TBC1D32: variants seen among roughly 807,000 people sequenced by gnomAD.
TBC1D32 encodes TBC1 domain family member 32.
TBC1D32 carries 151 observed loss-of-function variants against 170.3 expected under a neutral mutation model. The ratio of observed to expected loss-of-function variants is 0.89; its 90% confidence interval spans 0.78 to 1.01. TBC1D32 has a LOEUF of 1.01. Ranked by LOEUF, TBC1D32 falls within the 50% of genes least tolerant of loss-of-function variation. TBC1D32 has a pLI of 0.00. For missense variants in TBC1D32, 1,464 were observed against 1,457.1 expected (o/e 1.00, Z -0.08); for synonymous variants, 498 against 488.0 (o/e 1.02, Z -0.27).
At position 121,294,551 on chromosome 6, in the gene TBC1D32, TAGAGGA is replaced by T. The variant is rs754425115; in HGVS notation, c.1231+13_1231+18del. ...ATTTACCATTTTTAAAAGTATGTAA[TAGAGGA>T]AATAATACTTACTGCAATGCTTTGA... On this transcript the variant is annotated intron_variant, in intron 11 of 31. Coordinates refer to ENST00000398212, the MANE Select transcript of TBC1D32 (RefSeq NM_152730.6). The T allele has an allele frequency of 3.5e-3, 5,472 of 1,569,116 alleles. 22 individuals carry two copies. The highest frequency in any genetic ancestry group is 6.2e-3 in the Middle Eastern group (34 of 5,484).
chr6:121,223,313 T>C lies in TBC1D32; in HGVS notation c.2404A>G (p.Ile802Val). The stretch of plus-strand genomic sequence containing the variant: ...TCTTGATTCCTTACAAGCTCATAAA[T>C]AGCAGGATAGGATAACAAGTTCACC... ...ALVNLLSYPA[I>V]YELVRNQDLP... The change falls in exon 21 of 32, where the codon ATT becomes GTT. Residue 802 changes from isoleucine (I) to valine (V), a missense_variant. Ile to Val is a conservative substitution (Grantham distance 29). This residue lies in a region of TBC1D32 where 1,363 missense variants were observed against 1,338.1 expected (regional missense o/e 1.02). Coordinates refer to ENST00000398212, the MANE Select transcript of TBC1D32 (RefSeq NM_152730.6). 1 of 1,598,012 alleles carries C rather than the reference T, an allele frequency of 6.3e-7. No individual in the cohort carries two copies. Among genetic ancestry groups the C allele is most frequent in the East Asian group, 2.3e-5 (1 of 43,900 alleles).
At chr6:121,131,820 A>C in intron 24 of TBC1D32, 68 bp from the exon 25 acceptor site, 1 of 1,274,152 alleles carries the variant, frequency 7.8e-7, no homozygotes, top group South Asian at 1.5e-5. Context: ...ATTAATGTTA[A>C]CTATGTAAAC....
intron 16 of TBC1D32, among the ~76,000 whole-genome samples, chr6:121,255,683 G>A (rs1471727412): frequency 6.6e-6 from 1 of 151,736 alleles, no homozygotes; most frequent in East Asian, 1.9e-4. Flanking sequence ...TCAAATGGGG[G>A]GAAAAGACTT....
At chr6:121,108,050 T>C (rs1301873388) in intron 29 of TBC1D32, among the ~76,000 whole-genome samples, 5 of 152,092 alleles carry the variant, frequency 3.3e-5, no homozygotes, top group South Asian at 2.1e-4. Flanking sequence ...CAACATATTA[T>C]TGACTGAATG....
chr6:121,280,131 G>C lies in TBC1D32; in HGVS notation c.1609-886C>G, dbSNP rs533069495. Among the ~76,000 whole-genome samples, 10 of 151,854 alleles carry C rather than the reference G, an allele frequency of 6.6e-5. No homozygotes were observed. In the East Asian group the frequency reaches 1.6e-3, roughly 24 times the overall value. ...CTATTCATACTACTTAGCACAAAAA[G>C]TATATCACTTTTCCTATTAAATATC... On this transcript the variant is annotated intron_variant, in intron 14 of 31. Coordinates refer to ENST00000398212, the MANE Select transcript of TBC1D32 (RefSeq NM_152730.6).
intron 24 of TBC1D32, among the ~76,000 whole-genome samples, chr6:121,150,895 TTC>T (rs1369067479): frequency 6.6e-6 from 1 of 151,398 alleles, no homozygotes; most frequent in Non-Finnish European, 1.5e-5. Flanking sequence ...CTTCTCTTTT[TTC>T]TTCTTTAGTA....
At chr6:121,157,103 G>A (rs1784998107) in intron 24 of TBC1D32, among the ~76,000 whole-genome samples, 1 of 152,048 alleles carries the variant, frequency 6.6e-6, no homozygotes, top group African/African-American at 2.4e-5. Context: ...TGTTGTCAAT[G>A]GGGTGTTGAA....
At chr6:121,326,050 G>A (rs1810421643) in intron 1 of TBC1D32, among the ~76,000 whole-genome samples, 1 of 152,150 alleles carries the variant, frequency 6.6e-6, no homozygotes, top group South Asian at 2.1e-4. Context: ...TTAGAGAAAT[G>A]CAAATCAAAA....
intron 31 of TBC1D32, among the ~76,000 whole-genome samples, chr6:121,084,506 G>T (rs1775986889): frequency 6.6e-6 from 1 of 152,020 alleles, no homozygotes; most frequent in Non-Finnish European, 1.5e-5. Context: ...ATGGATTACT[G>T]ACTCCAGTCT....
chr6:121,286,870 T>A (rs933296884), intron 12 of TBC1D32, among the ~76,000 whole-genome samples: 3 of 152,076 alleles, frequency 2.0e-5, no homozygotes, highest in Non-Finnish European at 4.4e-5. Context: ...AGAAAATAAT[T>A]TTCAACCCAG....
intron 15 of TBC1D32, among the ~76,000 whole-genome samples, chr6:121,259,707 T>C (rs1293396867): frequency 1.3e-5 from 2 of 152,132 alleles, no homozygotes; most frequent in Non-Finnish European, 2.9e-5. Context: ...TCAGCCACAA[T>C]GTGAAAAACA....
At chr6:121,159,982 A>T (rs934294022) in intron 24 of TBC1D32, 28 bp downstream of exon 24, 1 of 1,409,024 alleles carries the variant, frequency 7.1e-7, no homozygotes, top group South Asian at 1.2e-5. Flanking sequence ...TTTAAAAATA[A>T]TATGGCATTT....
At chr6:121,257,384 G>A (rs1799185261) in intron 15 of TBC1D32, among the ~76,000 whole-genome samples, 1 of 152,068 alleles carries the variant, frequency 6.6e-6, no homozygotes, top group Non-Finnish European at 1.5e-5. Flanking sequence ...TCTCTAGTAC[G>A]TAGTCCTCCC....
chr6:121,194,205 C>A (rs551611831), intron 22 of TBC1D32, among the ~76,000 whole-genome samples: 1 of 152,232 alleles, frequency 6.6e-6, no homozygotes. Context: ...TCCCCAGAAT[C>A]ATCTGTGGTC....
rs138555811 is a variant in TBC1D32 at position 121,083,994 on chromosome 6, C to T, written c.3655-3104G>A. ...ACTCTCTAAGTGAGCCAGCTCATTC[C>T]GACCTCTGAGATCTTGCACTTGCCT... On this transcript the variant is annotated intron_variant, in intron 31 of 31. Coordinates refer to ENST00000398212, the MANE Select transcript of TBC1D32 (RefSeq NM_152730.6). 2.5e-3 allele frequency among the ~76,000 whole-genome samples: 380 copies of T among 152,092 alleles called. 4 individuals are homozygous for T. Among genetic ancestry groups the T allele is most frequent in the African/African-American group, 9.0e-3 (373 of 41,532 alleles).
At chr6:121,096,938 C>T (rs1189730939) in intron 30 of TBC1D32, among the ~76,000 whole-genome samples, 1 of 152,032 alleles carries the variant, frequency 6.6e-6, no homozygotes, top group South Asian at 2.1e-4. Context: ...CAAAAACAAG[C>T]AGTGGGGAAA....
intron 1 of TBC1D32, among the ~76,000 whole-genome samples, chr6:121,324,206 A>T (rs964962957): frequency 6.6e-6 from 1 of 152,224 alleles, no homozygotes. Context: ...AAATTGAGTG[A>T]AAAGGGAAAT....
At chr6:121,267,067 AAAAGT>A (rs1396930871) in intron 15 of TBC1D32, among the ~76,000 whole-genome samples, 1 of 148,298 alleles carries the variant, frequency 6.7e-6, no homozygotes, top group Non-Finnish European at 1.5e-5. Context: ...CCTGGAACTT[AAAAGT>A]AAAATTAAAA....
intron 27 of TBC1D32, among the ~76,000 whole-genome samples, chr6:121,113,684 C>G (rs917248198): frequency 3.3e-5 from 5 of 152,090 alleles, no homozygotes; most frequent in Admixed American, 6.6e-5. Flanking sequence ...TTGCAAATGT[C>G]CTATTTGTTA....
Sources: gnomAD v4.1 joint callset for allele counts (sites outside exome capture counted in the v4.1 genomes callset) on GRCh38, gnomAD v4.1.1 for gene constraint, gnomAD v4.1.1 regional missense constraint, MANE v1.5 for transcripts, NCBI Gene and HGNC (gene_info 2026-07-23, HGNC 2026-07-21) for gene names.